Variants in EGF observed in about 807,000 individuals in gnomAD.
EGF encodes the protein pro-epidermal growth factor.
Under a neutral mutation model 143.8 loss-of-function variants are expected in EGF, and 95 were observed. The ratio of observed to expected loss-of-function variants is 0.66; its 90% CI spans 0.56 to 0.78. The LOEUF (loss-of-function observed/expected upper bound fraction) is 0.78, where lower values mean the gene tolerates loss of function less well. Among genes scored for constraint, EGF ranks in the 30% least tolerant of loss-of-function variants. The probability of loss-of-function intolerance (pLI) is 0.00; values close to 1 mark genes in which losing one functional copy is unlikely to be tolerated. For missense variants in EGF, 1,320 were observed against 1,470.9 expected, an observed-to-expected ratio of 0.90 and a Z score of 1.68; for synonymous variants, 510 against 510.5, an observed-to-expected ratio of 1.00 and a Z score of 0.01.
chr4:109,925,700 G>A (rs1249452386), intron 1 of EGF, among the ~76,000 whole-genome samples: 1 of 152,134 alleles, frequency 6.6e-6, no homozygotes, highest in Non-Finnish European at 1.5e-5. Flanking sequence ...AGAGAGTAAG[G>A]GAAAAATGCA....
chr4:109,941,055 G>A lies in EGF; in HGVS notation c.237G>A (p.Met79Ile), dbSNP rs1313189573. 6 of 1,613,808 alleles carry A rather than the reference G, an allele frequency of 3.7e-6. No homozygotes were observed. The African/African-American group carries it at 5.3e-5, about 14-fold the overall frequency. ...TGGATGCTGGTGTCTCAGTGATCAT[G>A]GATTTTCATTATAATGAGAAAAGAA... The part of the protein sequence containing the change: ...LVVDAGVSVI[M>I]DFHYNEKRIY... Residue 79 changes from methionine (M) to isoleucine (I), a missense_variant, in exon 2 of 24, where the codon ATG (methionine) becomes ATA (isoleucine). Met to Ile is a conservative substitution (Grantham distance 10). Coordinates refer to ENST00000265171, the MANE Select transcript of EGF (RefSeq NM_001963.6).
In EGF at chr4:109,944,050, A is replaced by G. The variant is rs754215714; in HGVS notation, c.718A>G (p.Ile240Val). 1 of 1,614,168 alleles carries G rather than the reference A, an allele frequency of 6.2e-7. No individual in the cohort carries two copies. Among genetic ancestry groups the G allele is most frequent in the East Asian group, 2.2e-5 (1 of 44,884 alleles). Residue 240 changes from isoleucine to valine, a missense_variant, in exon 4 of 24, where the codon ATT (isoleucine) becomes GTT (valine). Physicochemically the swap from Ile to Val is conservative, Grantham distance 29 (BLOSUM62 3). Coordinates refer to ENST00000265171, the MANE Select transcript of EGF (RefSeq NM_001963.6). ...SCDYDGGSVH[I>V]SKHPTQHNLF... Reference sequence around the variant, plus strand: ...TGATTATGATGGAGGTTCTGTCCACATTAGTAAACATCCAACACAGTAAGT... The same window carrying G: ...TGATTATGATGGAGGTTCTGTCCACGTTAGTAAACATCCAACACAGTAAGT...
chr4:109,921,364 T>G (rs1737756323), intron 1 of EGF, among the ~76,000 whole-genome samples: 1 of 151,348 alleles, frequency 6.6e-6, no homozygotes, highest in South Asian at 2.1e-4. Flanking sequence ...CTGTTTTTTT[T>G]TTTATTCTGA....
intron 20 of EGF, among the ~76,000 whole-genome samples, chr4:109,995,618 T>C (rs187255284): frequency 1.2e-4 from 19 of 152,314 alleles, no homozygotes; most frequent in Admixed American, 4.6e-4. Flanking sequence ...AATTTTACTT[T>C]TAATTCATTT....
intron 1 of EGF, among the ~76,000 whole-genome samples, chr4:109,929,892 C>T (rs1424756269): frequency 6.6e-6 from 1 of 152,202 alleles, no homozygotes; most frequent in East Asian, 1.9e-4. Flanking sequence ...TGTGTGTCCC[C>T]ACTCAAATTC....
In EGF at chr4:110,013,043, G is replaced by C. The variant is rs11569152; in HGVS notation, c.*1588G>C. On this transcript the variant is annotated 3_prime_UTR_variant, in exon 24 of 24. Coordinates refer to ENST00000265171, the MANE Select transcript of EGF (RefSeq NM_001963.6). Reference sequence around the variant, plus strand: ...GATGACTTGAGGTTTGTGGATATTAGTTAATTATTCAGTATGATACCTCAC... The same window carrying C: ...GATGACTTGAGGTTTGTGGATATTACTTAATTATTCAGTATGATACCTCAC... 8.5e-3 allele frequency among the ~76,000 whole-genome samples: 1,289 copies of C among 152,254 alleles called. 22 individuals are homozygous for C. Among genetic ancestry groups the C allele is most frequent in the African/African-American group, 0.03 (1,229 of 41,542 alleles).
In EGF at chr4:109,979,920, A is replaced by G. The variant is rs1353070933; in HGVS notation, c.2054-52A>G. ...TTTCAAGCCTTGTCCTTTCGTAAAT[A>G]GTCATTGCAAAGACAAAGAAGGTGT... On this transcript the variant is annotated intron_variant, in intron 13 of 23. Transcript: ENST00000265171. The G allele has an allele frequency of 1.9e-6, 3 of 1,598,886 alleles. No individual in the cohort carries two copies. The East Asian group carries it at 6.7e-5, about 36-fold the overall frequency.
intron 1 of EGF, among the ~76,000 whole-genome samples, chr4:109,917,241 T>C (rs1019513116): frequency 2.6e-5 from 4 of 152,280 alleles, no homozygotes; most frequent in African/African-American, 9.6e-5. Flanking sequence ...GGTAAATTAG[T>C]TTTCTCAGTT....
intron 19 of EGF, among the ~76,000 whole-genome samples, chr4:109,994,167 T>C (rs1361891366): frequency 1.3e-5 from 2 of 152,136 alleles, no homozygotes; most frequent in Non-Finnish European, 2.9e-5. Flanking sequence ...TAAAAGAGAC[T>C]TTACTATTAT....
intron 11 of EGF, among the ~76,000 whole-genome samples, chr4:109,972,058 C>T (rs1747737454): frequency 6.6e-6 from 1 of 151,850 alleles, no homozygotes; most frequent in Non-Finnish European, 1.5e-5. Flanking sequence ...AAAAAAAAAT[C>T]ACTCTTCTAG....
At chr4:110,005,650 G>T (rs1467044127) in intron 22 of EGF, among the ~76,000 whole-genome samples, 2 of 152,178 alleles carry the variant, frequency 1.3e-5, no homozygotes, top group South Asian at 2.1e-4. Flanking sequence ...GAACACTAGA[G>T]GGCAGTCTTG....
At chr4:109,957,041 G>A (rs757023825) in intron 5 of EGF, among the ~76,000 whole-genome samples, 25 of 152,228 alleles carry the variant, frequency 1.6e-4, no homozygotes, top group African/African-American at 5.1e-4. Context: ...TCTCTAGAGG[G>A]TGGCATACTC....
chr4:109,958,368 T>G (rs181237938), intron 5 of EGF, among the ~76,000 whole-genome samples: 2 of 152,348 alleles, frequency 1.3e-5, no homozygotes, highest in Admixed American at 1.3e-4. Flanking sequence ...AGCCCTTGAT[T>G]CTGGCTCTGA....
intron 1 of EGF, among the ~76,000 whole-genome samples, chr4:109,921,068 A>G (rs1391246274): frequency 2.0e-5 from 3 of 151,492 alleles, no homozygotes; most frequent in Non-Finnish European, 4.4e-5. Flanking sequence ...GGATCTTTAC[A>G]CTTCTTGAAA....
Position 109,983,686 on chromosome 4 carries a change from T to C in EGF, c.2491+145T>C, listed in dbSNP as rs1749718496. On this transcript the variant is annotated intron_variant, in intron 16 of 23. Transcript: ENST00000265171. ...ACCAAACCTTGGACTCAAGTCTGTC[T>C]CTTCTGAATGATGTGCCTGAGAAAG... The C allele has an allele frequency of 1.5e-5, 17 of 1,114,660 alleles. 1 individual carries two copies. Among genetic ancestry groups the C allele is most frequent in the South Asian group, 1.4e-4 (10 of 73,246 alleles). 69.0% of individuals were successfully genotyped at this position (1,114,660 alleles called of 1,614,324 possible).
Position 109,913,237 on chromosome 4 carries a change from C to T in EGF, c.-99C>T. On this transcript the variant is annotated 5_prime_UTR_variant, in exon 1 of 24. Coordinates refer to ENST00000265171, the MANE Select transcript of EGF (RefSeq NM_001963.6). ...ATGCCCCAGGGCTGAGGCCTCCGCT[C>T]AGGCAGCCGCATCTGGGGTCAATCA... 6.6e-7 allele frequency: 1 copy of T among 1,513,426 alleles called. No homozygotes were observed. The highest frequency in any genetic ancestry group is 9.1e-7 in the Non-Finnish European group (1 of 1,096,096). The allele number at this position is 1,513,426 out of a possible 1,614,324, so 93.7% of individuals were successfully genotyped here.
chr4:109,995,028 G>C, intron 20 of EGF, 148 bp downstream of exon 20: 1 of 917,434 alleles, frequency 1.1e-6, no homozygotes, highest in East Asian at 2.6e-5. Flanking sequence ...AACCACGTGT[G>C]TGCACTTCAT....
At chr4:109,986,204 G>A (rs946060743) in intron 16 of EGF, among the ~76,000 whole-genome samples, 4 of 152,088 alleles carry the variant, frequency 2.6e-5, no homozygotes, top group African/African-American at 4.8e-5. Context: ...TTTTCATTAC[G>A]CACAGCTGCC....
chr4:109,913,678 C>T (rs1035802267), intron 1 of EGF, among the ~76,000 whole-genome samples: 1 of 152,192 alleles, frequency 6.6e-6, no homozygotes, highest in Non-Finnish European at 1.5e-5. Context: ...AACTGTACTT[C>T]TGTGTATAAG....
Sources: allele counts gnomAD v4.1 joint callset (sites outside exome capture counted in the v4.1 genomes callset), GRCh38; gene constraint gnomAD v4.1.1; transcripts MANE v1.5; gene names NCBI Gene and HGNC (gene_info 2026-07-23, HGNC 2026-07-21).